The following CCSER2 variants were observed in gnomAD, a reference collection of about 807,000 sequenced individuals.
CCSER2 encodes serine-rich coiled-coil domain-containing protein 2.
In CCSER2, 46 loss-of-function variants were observed where a neutral mutation model predicts 92.3. That is an observed-to-expected ratio of 0.50 (90% CI 0.39 to 0.64). The LOEUF is 0.64. Among genes scored for constraint, CCSER2 ranks in the 30% least tolerant of loss-of-function variants. CCSER2 has a pLI of 0.00. For synonymous variants in CCSER2, 433 were observed against 431.4 expected, an observed-to-expected ratio of 1.00 and a Z score of -0.04; for missense variants, 1,244 against 1,238.9, an observed-to-expected ratio of 1.00 and a Z score of -0.06.
intron 3 of CCSER2, among the ~76,000 whole-genome samples, chr10:84,390,390 C>T (rs973214398): frequency 6.6e-6 from 1 of 152,132 alleles, no homozygotes; most frequent in African/African-American, 2.4e-5. Context: ...GAAGTTGTAG[C>T]CTACTATACA....
intron 3 of CCSER2, among the ~76,000 whole-genome samples, chr10:84,402,479 G>A (rs1262269172): frequency 6.6e-6 from 1 of 152,124 alleles, no homozygotes; most frequent in Non-Finnish European, 1.5e-5. Context: ...AACACTATTT[G>A]CCAAATGGGC....
At chr10:84,394,607 G>A (rs565480889) in intron 3 of CCSER2, among the ~76,000 whole-genome samples, 9 of 152,204 alleles carry the variant, frequency 5.9e-5, no homozygotes, top group African/African-American at 2.2e-4. Context: ...GCATTGCTGA[G>A]TATAGGGTAT....
chr10:84,412,381 T>G (rs1842697055), intron 3 of CCSER2, among the ~76,000 whole-genome samples: 1 of 152,172 alleles, frequency 6.6e-6, no homozygotes, highest in African/African-American at 2.4e-5. Flanking sequence ...AGCTCTTCTT[T>G]GTGTACCTCT....
chr10:84,436,532 G>T (rs1844161872), intron 5 of CCSER2, among the ~76,000 whole-genome samples: 1 of 149,104 alleles, frequency 6.7e-6, no homozygotes, highest in Non-Finnish European at 1.5e-5. Flanking sequence ...CTACTTGGGA[G>T]ACTGAGGCAG....
intron 9 of CCSER2, among the ~76,000 whole-genome samples, chr10:84,494,039 T>A (rs1332269606): frequency 1.3e-5 from 2 of 152,220 alleles, no homozygotes; most frequent in East Asian, 3.8e-4. Context: ...CTAATGCTGC[T>A]GCTGATCTTA....
chr10:84,408,783 T>G (rs1409248799), intron 3 of CCSER2, among the ~76,000 whole-genome samples: 1 of 152,086 alleles, frequency 6.6e-6, no homozygotes, highest in Non-Finnish European at 1.5e-5. Context: ...GTGGCCTTAA[T>G]TGTCAGATCT....
intron 6 of CCSER2, among the ~76,000 whole-genome samples, chr10:84,441,090 A>C (rs1267084060): frequency 6.6e-6 from 1 of 152,170 alleles, no homozygotes; most frequent in Non-Finnish European, 1.5e-5. Flanking sequence ...ATGTAGTGTG[A>C]AATGTTCTTG....
chr10:84,372,624 G>T (rs1407799173), intron 2 of CCSER2, among the ~76,000 whole-genome samples, 155 bp downstream of exon 2: 1 of 152,090 alleles, frequency 6.6e-6, no homozygotes, highest in South Asian at 2.1e-4. Context: ...TTATTTTCCT[G>T]TGACTTTTGC....
intron 8 of CCSER2, among the ~76,000 whole-genome samples, chr10:84,476,349 A>G (rs10887303): frequency 0.57 from 85,855 of 151,378 alleles, 27,044 homozygotes; most frequent in East Asian, 0.74. Flanking sequence ...TTAGTTTCCT[A>G]TGAGAAAGTA....
At chr10:84,437,828 T>C (rs1844274149) in intron 5 of CCSER2, among the ~76,000 whole-genome samples, 8 of 148,956 alleles carry the variant, frequency 5.4e-5, no homozygotes, top group Admixed American at 4.0e-4. Context: ...TTCTCCTGCA[T>C]TAGCCTCCTA....
chr10:84,329,886 T>C (rs1478732296), intron 1 of CCSER2, among the ~76,000 whole-genome samples: 1 of 152,260 alleles, frequency 6.6e-6, no homozygotes, highest in Non-Finnish European at 1.5e-5. Context: ...TATTTTTTGT[T>C]TTCGTTTGTG....
chr10:84,432,234 T>G (rs1322934770), intron 5 of CCSER2, among the ~76,000 whole-genome samples: 1 of 152,222 alleles, frequency 6.6e-6, no homozygotes, highest in Non-Finnish European at 1.5e-5. Context: ...TTGCTTATTT[T>G]TATTTTATTT....
At chr10:84,416,240 T>C (rs1842882053) in intron 3 of CCSER2, among the ~76,000 whole-genome samples, 1 of 152,204 alleles carries the variant, frequency 6.6e-6, no homozygotes, top group Non-Finnish European at 1.5e-5. Context: ...CCCACCCTGC[T>C]TTTCTTCATT....
chr10:84,384,489 T>TG (rs1841080470), intron 3 of CCSER2, among the ~76,000 whole-genome samples: 1 of 152,204 alleles, frequency 6.6e-6, no homozygotes, highest in Non-Finnish European at 1.5e-5. Flanking sequence ...CATCAATAAA[T>TG]GTGACCCACC....
At chr10:84,410,123 C>T (rs548991293) in intron 3 of CCSER2, among the ~76,000 whole-genome samples, 155 of 152,212 alleles carry the variant, frequency 1.0e-3, no homozygotes, top group Admixed American at 1.8e-3. Flanking sequence ...TAGTATTCCA[C>T]GGTGTATATG....
At chr10:84,429,012 T>TATATATAC (rs1554847437) in intron 5 of CCSER2, among the ~76,000 whole-genome samples, 1 of 131,080 alleles carries the variant, frequency 7.6e-6, no homozygotes, top group African/African-American at 2.6e-5. Flanking sequence ...TATATATATA[T>TATATATAC]ATACACACTT....
At chr10:84,370,403 G>A (rs1026697553) in intron 1 of CCSER2, among the ~76,000 whole-genome samples, 4 of 152,006 alleles carry the variant, frequency 2.6e-5, no homozygotes, top group Non-Finnish European at 5.9e-5. Flanking sequence ...TATGGTCAAA[G>A]GGATTGAGTT....
chr10:84,339,124 GT>G (rs57929671), intron 1 of CCSER2, among the ~76,000 whole-genome samples: 44,304 of 137,316 alleles, frequency 0.32, 7,164 homozygotes, highest in African/African-American at 0.52. Flanking sequence ...TTTTTTTTTT[GT>G]TTTTTTTTTT....
intron 9 of CCSER2, among the ~76,000 whole-genome samples, chr10:84,490,166 C>G (rs1848069374): frequency 6.6e-6 from 1 of 152,128 alleles, no homozygotes; most frequent in African/African-American, 2.4e-5. Flanking sequence ...TCTGGCTGCC[C>G]TTAACATTTT....
Sources: gnomAD v4.1 joint callset for allele counts (sites outside exome capture counted in the v4.1 genomes callset) on GRCh38, gnomAD v4.1.1 for gene constraint, MANE v1.5 for transcripts, NCBI Gene and HGNC (gene_info 2026-07-23, HGNC 2026-07-21) for gene names.